BTBD9: variants seen among roughly 807,000 people sequenced by gnomAD.
BTBD9 encodes BTB domain containing 9.
BTBD9 carries 49 observed loss-of-function variants against 64.3 expected under a neutral mutation model. That is an observed-to-expected ratio of 0.76 (90% CI 0.61 to 0.97). BTBD9 has a LOEUF of 0.97. Ranked by LOEUF, BTBD9 falls within the 50% of genes least tolerant of loss-of-function variation. The pLI, the probability that BTBD9 is intolerant of heterozygous loss-of-function variation, is 0.00. For missense variants in BTBD9, 598 were observed against 762.1 expected (o/e 0.78, Z 2.53); for synonymous variants, 260 against 274.7 (o/e 0.95, Z 0.53).
chr6:38,176,401 C>T (rs1416211608), intron 10 of BTBD9, among the ~76,000 whole-genome samples: 1 of 152,150 alleles, frequency 6.6e-6, no homozygotes, highest in African/African-American at 2.4e-5. Context: ...AGACTGAGAC[C>T]GTGTCTTCCT....
At chr6:38,416,394 G>A (rs1211297319) in intron 6 of BTBD9, among the ~76,000 whole-genome samples, 1 of 151,350 alleles carries the variant, frequency 6.6e-6, no homozygotes, top group Non-Finnish European at 1.5e-5. Context: ...GAGTGCAGTG[G>A]CGTGATCTCG....
At chr6:38,451,466 C>T (rs901546062) in intron 6 of BTBD9, among the ~76,000 whole-genome samples, 2 of 152,124 alleles carry the variant, frequency 1.3e-5, no homozygotes, top group African/African-American at 4.8e-5. Flanking sequence ...AGGTAACAAG[C>T]AATTTTTACA....
At chr6:38,460,585 ATG>A (rs774206148) in intron 6 of BTBD9, among the ~76,000 whole-genome samples, 2 of 152,150 alleles carry the variant, frequency 1.3e-5, no homozygotes, top group Non-Finnish European at 2.9e-5. Flanking sequence ...AACCCACAGA[ATG>A]TGTTACTAAT....
chr6:38,302,485 GTATATATATATATA>G (rs59324806), intron 7 of BTBD9, among the ~76,000 whole-genome samples: 40,824 of 107,006 alleles, frequency 0.38, 8,618 homozygotes, highest in Non-Finnish European at 0.51. Context: ...TTGTGTGTAT[GTATATATATATATA>G]TATATATATA....
intron 6 of BTBD9, among the ~76,000 whole-genome samples, chr6:38,498,475 A>AG (rs398001243): frequency 6.6e-6 from 1 of 151,308 alleles, no homozygotes; most frequent in African/African-American, 2.4e-5. Flanking sequence ...AAAAAAAAAA[A>AG]CAAGGCAAGA....
At chr6:38,298,156 C>T (rs1762232139) in intron 7 of BTBD9, among the ~76,000 whole-genome samples, 1 of 152,044 alleles carries the variant, frequency 6.6e-6, no homozygotes, top group Non-Finnish European at 1.5e-5. Flanking sequence ...CACCTGGCCT[C>T]TGCTCCAGTT....
intron 6 of BTBD9, among the ~76,000 whole-genome samples, chr6:38,479,721 T>TTTTTTA (rs1193985884): frequency 5.9e-5 from 9 of 152,138 alleles, no homozygotes; most frequent in South Asian, 4.1e-4. Flanking sequence ...ACTAAAATCT[T>TTTTTTA]TTTTTATTTT....
At chr6:38,302,485 G>GTGTGTA (rs1554137022) in intron 7 of BTBD9, among the ~76,000 whole-genome samples, 1 of 106,908 alleles carries the variant, frequency 9.4e-6, no homozygotes, top group African/African-American at 3.5e-5. Context: ...TTGTGTGTAT[G>GTGTGTA]TATATATATA....
chr6:38,415,063 T>C (rs1030898595), intron 6 of BTBD9, among the ~76,000 whole-genome samples: 1 of 152,182 alleles, frequency 6.6e-6, no homozygotes, highest in African/African-American at 2.4e-5. Context: ...GTTGCTTTTT[T>C]CCCCTTTCTA....
intron 1 of BTBD9, among the ~76,000 whole-genome samples, chr6:38,638,977 C>A (rs1778627047): frequency 6.6e-6 from 1 of 152,202 alleles, no homozygotes; most frequent in Non-Finnish European, 1.5e-5. Context: ...TTTCCGCCCA[C>A]ACAGTGAACA....
chr6:38,412,510 G>A (rs868170383), intron 6 of BTBD9, among the ~76,000 whole-genome samples: 2 of 150,980 alleles, frequency 1.3e-5, no homozygotes, highest in Non-Finnish European at 2.9e-5. Flanking sequence ...GAAGTCTTAC[G>A]ACTATGTAAC....
intron 6 of BTBD9, among the ~76,000 whole-genome samples, chr6:38,433,571 G>C (rs1768551743): frequency 6.6e-6 from 1 of 151,556 alleles, no homozygotes; most frequent in South Asian, 2.1e-4. Flanking sequence ...CCCTTTGACT[G>C]TAATTTTCCA....
intron 6 of BTBD9, among the ~76,000 whole-genome samples, chr6:38,345,558 G>A (rs1764247578): frequency 6.6e-6 from 1 of 152,224 alleles, no homozygotes; most frequent in Admixed American, 6.5e-5. Context: ...TTGCTTTCTT[G>A]TTTAAAAGAA....
chr6:38,309,738 T>C (rs993739839), intron 7 of BTBD9, among the ~76,000 whole-genome samples: 1 of 152,070 alleles, frequency 6.6e-6, no homozygotes, highest in African/African-American at 2.4e-5. Context: ...TAACGATCCT[T>C]TAATAAAGAA....
chr6:38,505,635 A>G (rs1189983380), intron 6 of BTBD9, among the ~76,000 whole-genome samples: 1 of 151,478 alleles, frequency 6.6e-6, no homozygotes, highest in Non-Finnish European at 1.5e-5. Flanking sequence ...AGAAAAAAAA[A>G]AAATCCCCCA....
intron 6 of BTBD9, among the ~76,000 whole-genome samples, chr6:38,559,126 C>T (rs1278704471): frequency 1.3e-5 from 2 of 152,122 alleles, no homozygotes; most frequent in African/African-American, 4.8e-5. Flanking sequence ...GTTTCAATTT[C>T]TACCTTATTC....
At chr6:38,367,799 CAAAAAA>C (rs575025737) in intron 6 of BTBD9, among the ~76,000 whole-genome samples, 75 of 84,328 alleles carry the variant, frequency 8.9e-4, no homozygotes, top group African/African-American at 2.6e-3. Flanking sequence ...CCAGAAATGG[CAAAAAA>C]AAAAAAAAAA....
At chr6:38,250,960 T>G (rs1025624960) in intron 9 of BTBD9, among the ~76,000 whole-genome samples, 4 of 151,888 alleles carry the variant, frequency 2.6e-5, no homozygotes. Context: ...CGTGTGCCTG[T>G]AATCTCAGCT....
At chr6:38,244,423 C>G (rs1764111505) in intron 9 of BTBD9, among the ~76,000 whole-genome samples, 2 of 152,002 alleles carry the variant, frequency 1.3e-5, no homozygotes. Context: ...GGGAGAGGTA[C>G]ATGTGATGCT....
Sources: gnomAD v4.1 joint callset for allele counts (sites outside exome capture counted in the v4.1 genomes callset) on GRCh38, gnomAD v4.1.1 for gene constraint, MANE v1.5 for transcripts, NCBI Gene and HGNC (gene_info 2026-07-23, HGNC 2026-07-21) for gene names.